FAM120C: variants seen among roughly 807,000 people sequenced by gnomAD.
FAM120C encodes the protein family with sequence similarity 120 member C.
FAM120C carries 14 observed loss-of-function variants against 71.2 expected under a neutral mutation model. The observed-to-expected ratio is 0.20, with a 90% CI of 0.13 to 0.31. The LOEUF is 0.31. Ranked by LOEUF, FAM120C falls within the 10% of genes least tolerant of loss-of-function variation. The probability of loss-of-function intolerance (pLI) is 1.00; values close to 1 mark genes in which losing one functional copy is unlikely to be tolerated. For synonymous variants in FAM120C, 354 were observed against 353.2 expected (o/e 1.00, Z -0.03); for missense variants, 500 against 879.0 (o/e 0.57, Z 5.45).
At chrX:54,147,351 G>C (rs1238818549) in intron 4 of FAM120C, 1 of 111,146 alleles carries the variant, frequency 9.0e-6, no homozygotes, top group Non-Finnish European at 1.9e-5. Context: ...AAGAAAAACA[G>C]AAAGTAGAAG....
At chrX:54,133,628 A>T in intron 8 of FAM120C, 145 bp downstream of exon 8, 1 of 596,626 alleles carries the variant, frequency 1.7e-6, no homozygotes, top group Non-Finnish European at 2.6e-6. Flanking sequence ...CTAAGGCCTT[A>T]GTAGGATGAG....
intron 5 of FAM120C, 82 bp downstream of exon 5, chrX:54,136,409 C>A: frequency 1.6e-6 from 1 of 640,871 alleles, no homozygotes; most frequent in Non-Finnish European, 2.6e-6. Flanking sequence ...ATGAGTGATT[C>A]CACTCTGGCC....
At chrX:54,078,442 A>G (rs973875102) in intron 15 of FAM120C, among the ~76,000 whole-genome samples, 26 of 112,100 alleles carry the variant, frequency 2.3e-4, no homozygotes, top group Admixed American at 4.8e-4. Flanking sequence ...AAAAATCACC[A>G]AAGTCACTGT....
At chrX:54,163,807 T>A (rs1256680316) in intron 1 of FAM120C, among the ~76,000 whole-genome samples, 1 of 110,356 alleles carries the variant, frequency 9.1e-6, no homozygotes, top group Non-Finnish European at 1.9e-5. Context: ...TGAGACCCCA[T>A]GAAAGCATTA....
chrX:54,180,916 G>A (rs943858033), intron 1 of FAM120C, among the ~76,000 whole-genome samples: 1 of 110,985 alleles, frequency 9.0e-6, no homozygotes, highest in African/African-American at 3.3e-5. Context: ...AGGTTAAAAA[G>A]TCCTTAAAAG....
At chrX:54,081,948 C>T (rs1557121380) in intron 13 of FAM120C, among the ~76,000 whole-genome samples, 2 of 109,348 alleles carry the variant, frequency 1.8e-5, no homozygotes, top group African/African-American at 3.3e-5. Context: ...TTTGGGAGGC[C>T]GAGGCGGGTG....
intron 1 of FAM120C, among the ~76,000 whole-genome samples, chrX:54,182,020 G>A (rs1249430278): frequency 9.0e-6 from 1 of 111,702 alleles, no homozygotes; most frequent in Non-Finnish European, 1.9e-5. Context: ...AGCAGCAGTG[G>A]GTGAAGACGG....
chrX:54,127,795 T>C (rs1226871972), intron 9 of FAM120C, among the ~76,000 whole-genome samples: 10 of 109,324 alleles, frequency 9.1e-5, no homozygotes, highest in African/African-American at 3.3e-4. Context: ...GGTCTCACTA[T>C]GTTGCCCAGG....
At position 54,132,706 on chromosome X, in the gene FAM120C, C is replaced by T. The variant is rs782485647; in HGVS notation, c.2048G>A (p.Arg683Gln). The T allele has an allele frequency of 3.0e-5, 36 of 1,202,075 alleles. No individual in the cohort carries two copies. Among genetic ancestry groups the T allele is most frequent in the East Asian group, 1.2e-4 (4 of 33,640 alleles). ...ACTACACTTACCTTCCACAGGCAGC[C>T]GCCGTCGCATGGCCAAGCGTTCCAT... ...RKMERLAMRR[R>Q]LPVEVPSVIL... The change falls in exon 9 of 16, where the codon CGG becomes CAG. Residue 683 changes from arginine to glutamine, a missense_variant. Arg to Gln is a conservative substitution (Grantham distance 43). Coordinates refer to ENST00000375180, the MANE Select transcript of FAM120C (RefSeq NM_017848.6).
chrX:54,142,539 G>A (rs2067131094), intron 4 of FAM120C, among the ~76,000 whole-genome samples: 1 of 112,061 alleles, frequency 8.9e-6, no homozygotes, highest in African/African-American at 3.2e-5. Context: ...CGAGGCTGGG[G>A]GAGGGGCGTC....
chrX:54,174,708 A>T (rs1337497257), intron 1 of FAM120C, among the ~76,000 whole-genome samples: 1 of 112,390 alleles, frequency 8.9e-6, no homozygotes, highest in Non-Finnish European at 1.9e-5. Flanking sequence ...TTGATTTCAG[A>T]TCCTGGTGAA....
intron 4 of FAM120C, among the ~76,000 whole-genome samples, chrX:54,144,679 T>A (rs1490230719): frequency 8.9e-6 from 1 of 112,212 alleles, no homozygotes; most frequent in African/African-American, 3.2e-5. Context: ...CACAAACAAA[T>A]GGAAGAACAT....
intron 9 of FAM120C, among the ~76,000 whole-genome samples, chrX:54,124,564 G>A (rs1442597609): frequency 3.1e-5 from 3 of 97,721 alleles, no homozygotes; most frequent in Admixed American, 2.3e-4. Flanking sequence ...GCAATGCCTC[G>A]CCCTGCTTCG....
At chrX:54,112,612 C>T (rs782265311) in intron 10 of FAM120C, among the ~76,000 whole-genome samples, 253 of 110,781 alleles carry the variant, frequency 2.3e-3, no homozygotes, top group African/African-American at 8.0e-3. Flanking sequence ...GAGGCTGAGG[C>T]GGGCGGATCA....
intron 9 of FAM120C, among the ~76,000 whole-genome samples, chrX:54,131,249 T>C (rs2067064455): frequency 9.0e-6 from 1 of 111,156 alleles, no homozygotes; most frequent in Non-Finnish European, 1.9e-5. Context: ...TACACCTCTA[T>C]GTTCCCAAAG....
chrX:54,149,747 T>A (rs1190281903), intron 4 of FAM120C, among the ~76,000 whole-genome samples: 2 of 111,266 alleles, frequency 1.8e-5, no homozygotes, highest in African/African-American at 3.3e-5. Flanking sequence ...AAAGGTAGGT[T>A]TGGGTGTTAT....
At chrX:54,094,913 A>G (rs1340252803) in intron 10 of FAM120C, among the ~76,000 whole-genome samples, 1 of 109,039 alleles carries the variant, frequency 9.2e-6, no homozygotes, top group African/African-American at 3.3e-5. Flanking sequence ...TCAAAAAAAA[A>G]AAAAAAATTA....
intron 1 of FAM120C, among the ~76,000 whole-genome samples, chrX:54,171,332 A>T (rs1019573045): frequency 1.8e-5 from 2 of 111,546 alleles, no homozygotes; most frequent in Non-Finnish European, 3.8e-5. Flanking sequence ...GTTTGAGCCC[A>T]GGAGTTCAAG....
intron 10 of FAM120C, among the ~76,000 whole-genome samples, chrX:54,112,790 G>A (rs1185426644): frequency 1.9e-5 from 2 of 106,185 alleles, no homozygotes; most frequent in Non-Finnish European, 3.9e-5. Flanking sequence ...GCAGTGAGCC[G>A]AGATCGTGCC....
Sources: gnomAD v4.1 joint callset for allele counts (sites outside exome capture counted in the v4.1 genomes callset) on GRCh38, gnomAD v4.1.1 for gene constraint, MANE v1.5 for transcripts, NCBI Gene and HGNC (gene_info 2026-07-23, HGNC 2026-07-21) for gene names.